Variants in KAZN observed in about 807,000 individuals in gnomAD.
KAZN encodes kazrin.
In KAZN, 40 loss-of-function variants were observed where a neutral mutation model predicts 87.4. That is an observed-to-expected ratio of 0.46 (90% CI 0.36 to 0.60). The LOEUF is 0.60. KAZN is among the 20% of genes least tolerant of loss of function. The probability of loss-of-function intolerance (pLI) is 0.00; values close to 1 mark genes in which losing one functional copy is unlikely to be tolerated. For missense variants in KAZN, 898 were observed against 1,073.9 expected (o/e 0.84, Z 2.29); for synonymous variants, 466 against 458.3 (o/e 1.02, Z -0.22).
Position 14,297,148 on chromosome 1 carries a change from A to C in KAZN, c.249+116556A>C, listed in dbSNP as rs72867325. 6.1e-3 allele frequency among the ~76,000 whole-genome samples: 928 copies of C among 152,224 alleles called. 10 individuals carry two copies. Among genetic ancestry groups the C allele is most frequent in the African/African-American group, 0.021 (892 of 41,532 alleles). The stretch of plus-strand genomic sequence containing the variant: ...AGGGGCTTATTTTCTCCCCCACAAG[A>C]AGCCAGAGGTGGGCAGTTGCCAGCT... On this transcript the variant is annotated intron_variant, in intron 2 of 16. Transcript: ENST00000636203.
chr1:14,684,245 C>T (rs1284448586), intron 1 of KAZN, among the ~76,000 whole-genome samples: 4 of 152,102 alleles, frequency 2.6e-5, no homozygotes, highest in African/African-American at 7.2e-5. Context: ...AGGTTTACCT[C>T]GTGGAATCAG....
chr1:14,435,880 G>T (rs758389008), intron 2 of KAZN, among the ~76,000 whole-genome samples: 1 of 152,040 alleles, frequency 6.6e-6, no homozygotes, highest in Non-Finnish European at 1.5e-5. Flanking sequence ...AATGGGGATG[G>T]TGACAGGGCC....
intron 2 of KAZN, among the ~76,000 whole-genome samples, chr1:14,257,547 T>C (rs3928848): frequency 0.7 from 87,054 of 125,016 alleles, 31,181 homozygotes; most frequent in African/African-American, 0.89. Context: ...TCCTTGCCCA[T>C]GCCTATGTCC....
intron 1 of KAZN, among the ~76,000 whole-genome samples, chr1:14,716,900 G>A (rs933278172): frequency 7.9e-5 from 12 of 151,862 alleles, no homozygotes; most frequent in Admixed American, 2.0e-4. Context: ...TGCCACTGCC[G>A]GGGGAATGTT....
Position 14,879,232 on chromosome 1 carries a change from C to T in KAZN, c.227-81452C>T, listed in dbSNP as rs60390005. On this transcript the variant is annotated intron_variant, in intron 1 of 14. Coordinates refer to ENST00000376030, the MANE Select transcript of KAZN (RefSeq NM_201628.3). Reference sequence around the variant, plus strand: ...CCTCGGTTCCTCATCTGTGTAACAACTAATGGAGTAAATAGAGTAATGGGA... The same window carrying T: ...CCTCGGTTCCTCATCTGTGTAACAATTAATGGAGTAAATAGAGTAATGGGA... Among the ~76,000 whole-genome samples, 461 of 152,240 alleles carry T rather than the reference C, an allele frequency of 3.0e-3. 1 individual carries two copies. The highest frequency in any genetic ancestry group is 0.011 in the African/African-American group (440 of 41,526).
chr1:14,067,792 C>T (rs1174198089), intron 1 of KAZN, among the ~76,000 whole-genome samples: 1 of 152,194 alleles, frequency 6.6e-6, no homozygotes, highest in East Asian at 1.9e-4. Flanking sequence ...TGATCCAGGG[C>T]ACCCACGATG....
At chr1:15,091,924 G>A (rs1253061149) in intron 8 of KAZN, among the ~76,000 whole-genome samples, 1 of 152,016 alleles carries the variant, frequency 6.6e-6, no homozygotes, top group Non-Finnish European at 1.5e-5. Flanking sequence ...GAACATTTGT[G>A]TAGACTTATC....
intron 2 of KAZN, among the ~76,000 whole-genome samples, chr1:14,248,631 A>G (rs1231579441): frequency 6.6e-6 from 1 of 152,254 alleles, no homozygotes; most frequent in Non-Finnish European, 1.5e-5. Flanking sequence ...GTTGTATGAC[A>G]GAAGTATGTG....
chr1:14,595,872 A>G (rs532270824), upstream of KAZN, among the ~76,000 whole-genome samples: 1 of 152,128 alleles, frequency 6.6e-6, no homozygotes, highest in Middle Eastern at 3.4e-3. Context: ...AGGAAAAAAA[A>G]CTCTCAAAAA....
chr1:14,478,541 G>A (rs1668899792), intron 2 of KAZN, among the ~76,000 whole-genome samples: 1 of 152,088 alleles, frequency 6.6e-6, no homozygotes, highest in South Asian at 2.1e-4. Context: ...AACTCAACAT[G>A]TCCAAAACTA....
chr1:14,515,058 T>A (rs1238513617), intron 2 of KAZN, among the ~76,000 whole-genome samples: 1 of 152,120 alleles, frequency 6.6e-6, no homozygotes, highest in Non-Finnish European at 1.5e-5. Flanking sequence ...CAAACCTTTG[T>A]CCCCATGTAC....
chr1:13,957,466 C>A (rs1244406362), intron 1 of KAZN, among the ~76,000 whole-genome samples: 2 of 151,906 alleles, frequency 1.3e-5, no homozygotes, highest in African/African-American at 4.8e-5. Flanking sequence ...GTTGGGTACC[C>A]CTGTGTTTTA....
intron 1 of KAZN, among the ~76,000 whole-genome samples, chr1:14,069,111 C>G (rs1179376612): frequency 2.0e-5 from 3 of 152,006 alleles, no homozygotes; most frequent in Non-Finnish European, 4.4e-5. Context: ...GTTGAGTTAT[C>G]AAGCAAGGTC....
chr1:14,631,754 C>T (rs1430079230), intron 1 of KAZN, among the ~76,000 whole-genome samples: 1 of 152,268 alleles, frequency 6.6e-6, no homozygotes, highest in African/African-American at 2.4e-5. Flanking sequence ...AAGTGATGAA[C>T]ATCCCCAGGT....
chr1:13,945,679 TTGTGTGTGTG>T (rs60728794), intron 1 of KAZN, among the ~76,000 whole-genome samples: 1 of 123,356 alleles, frequency 8.1e-6, no homozygotes, highest in Non-Finnish European at 1.6e-5. Context: ...TGCTCTCAGT[TTGTGTGTGTG>T]TGTGTGTGTG....
chr1:14,493,207 A>G (rs1469058290), intron 2 of KAZN, among the ~76,000 whole-genome samples: 1 of 151,848 alleles, frequency 6.6e-6, no homozygotes, highest in Non-Finnish European at 1.5e-5. Flanking sequence ...CTGTACACTC[A>G]TCTGTGTCTT....
intron 2 of KAZN, among the ~76,000 whole-genome samples, chr1:14,295,857 T>C (rs554790285): frequency 1.3e-5 from 2 of 152,288 alleles, no homozygotes; most frequent in African/African-American, 4.8e-5. Context: ...ACTCCTTAGC[T>C]AGATCACGGG....
At chr1:14,665,153 C>T (rs1190198896) in intron 1 of KAZN, among the ~76,000 whole-genome samples, 2 of 152,162 alleles carry the variant, frequency 1.3e-5, no homozygotes, top group African/African-American at 4.8e-5. Context: ...TGTGACCAAC[C>T]TCATCTTGTG....
chr1:13,931,265 A>G (rs1640497643), intron 1 of KAZN, among the ~76,000 whole-genome samples: 1 of 152,258 alleles, frequency 6.6e-6, no homozygotes, highest in East Asian at 1.9e-4. Context: ...GTAATGGTCC[A>G]GGTACATGGC....
Sources: gnomAD v4.1 joint callset for allele counts (sites outside exome capture counted in the v4.1 genomes callset) on GRCh38, gnomAD v4.1.1 for gene constraint, MANE v1.5 for transcripts, NCBI Gene and HGNC (gene_info 2026-07-23, HGNC 2026-07-21) for gene names.